Variants in ERC1 observed in about 807,000 individuals in gnomAD.
The protein encoded by ERC1 is RAB6 interacting protein 2.
ERC1 carries 56 observed loss-of-function variants against 132.0 expected under a neutral mutation model. That is an observed-to-expected ratio of 0.42 (90% confidence interval 0.34 to 0.53). The LOEUF (loss-of-function observed/expected upper bound fraction) is 0.53, where lower values mean the gene tolerates loss of function less well. Among genes scored for constraint, ERC1 ranks in the 20% least tolerant of loss-of-function variants. The probability of loss-of-function intolerance (pLI) is 0.03; values close to 1 mark genes in which losing one functional copy is unlikely to be tolerated. For missense variants in ERC1, 1,202 were observed against 1,349.9 expected, an observed-to-expected ratio of 0.89 and a Z score of 1.72; for synonymous variants, 478 against 476.1, an observed-to-expected ratio of 1.00 and a Z score of -0.05.
intron 4 of ERC1, among the ~76,000 whole-genome samples, chr12:1,109,387 G>A (rs1346611362): frequency 1.3e-5 from 2 of 152,144 alleles, no homozygotes; most frequent in South Asian, 2.1e-4. Flanking sequence ...GGGATGTTAT[G>A]TAATTTTTAT....
chr12:1,035,508 T>C (rs1016461760), intron 2 of ERC1, among the ~76,000 whole-genome samples: 1 of 152,224 alleles, frequency 6.6e-6, no homozygotes, highest in African/African-American at 2.4e-5. Context: ...TAGAATAGTA[T>C]GTAACAGGGA....
chr12:1,054,196 A>G (rs1246665133), intron 2 of ERC1, among the ~76,000 whole-genome samples: 1 of 152,224 alleles, frequency 6.6e-6, no homozygotes, highest in Non-Finnish European at 1.5e-5. Context: ...CAAAGTTTGT[A>G]CTATCACAAT....
chr12:1,333,017 TTCGTCCTGATCCTCGTCCTGATCC>T (rs144580264), intron 15 of ERC1, among the ~76,000 whole-genome samples: 4,818 of 101,470 alleles, frequency 0.047, 249 homozygotes, highest in African/African-American at 0.13. Context: ...TACTTTATAA[TTCGTCCTGATCCTCGTCCTGATCC>T]TCGTCCTGAT....
Position 1,340,397 on chromosome 12 carries a change from A to G in ERC1, c.2781-31436A>G, listed in dbSNP as rs548858629. ...CTCCACTACAGACTCTACCACACCA[A>G]ACCCTCTGGGTTCCACCTCAGCTGA... On this transcript the variant is annotated intron_variant, in intron 15 of 18. Coordinates refer to ENST00000360905, the MANE Select transcript of ERC1 (RefSeq NM_178040.4). Among the ~76,000 whole-genome samples, 9 of 152,192 alleles carry G rather than the reference A, an allele frequency of 5.9e-5. No individual in the cohort carries two copies. In the South Asian group the frequency reaches 1.9e-3, roughly 32 times the overall value.
At chr12:1,465,300 G>A (rs557402476) in intron 18 of ERC1, among the ~76,000 whole-genome samples, 47 of 152,274 alleles carry the variant, frequency 3.1e-4, no homozygotes, top group Non-Finnish European at 2.6e-4. Context: ...CTTCCGGTCC[G>A]GTCAGAGCAT....
At chr12:1,476,091 G>A (rs1363347362) in intron 18 of ERC1, among the ~76,000 whole-genome samples, 2 of 151,922 alleles carry the variant, frequency 1.3e-5, no homozygotes, top group Admixed American at 6.6e-5. Flanking sequence ...GTGAAACCCC[G>A]TCTCTACTAA....
intron 18 of ERC1, among the ~76,000 whole-genome samples, chr12:1,452,052 T>C (rs193101138): frequency 1.3e-5 from 2 of 152,358 alleles, no homozygotes; most frequent in Admixed American, 1.3e-4. Context: ...TGATGTTGGA[T>C]TTCTGGCTTC....
intron 7 of ERC1, among the ~76,000 whole-genome samples, chr12:1,138,189 A>G (rs189131444): frequency 1.8e-5 from 2 of 113,554 alleles, no homozygotes; most frequent in Admixed American, 9.9e-5. Flanking sequence ...TATATATCAT[A>G]TATAATTATA....
At chr12:1,240,816 C>T (rs1249910514) in intron 13 of ERC1, among the ~76,000 whole-genome samples, 1 of 151,942 alleles carries the variant, frequency 6.6e-6, no homozygotes, top group Non-Finnish European at 1.5e-5. Flanking sequence ...TTTAATTTTA[C>T]TTATTTGTAA....
At chr12:1,477,605 G>T (rs1000777876) in intron 18 of ERC1, among the ~76,000 whole-genome samples, 1 of 152,166 alleles carries the variant, frequency 6.6e-6, no homozygotes, top group Non-Finnish European at 1.5e-5. Context: ...ATCCTTGGGG[G>T]TCCTTGATGG....
At chr12:1,235,337 C>T (rs967123764) in intron 12 of ERC1, among the ~76,000 whole-genome samples, 9 of 151,956 alleles carry the variant, frequency 5.9e-5, no homozygotes, top group Admixed American at 5.9e-4. Context: ...CTAGCCTTGG[C>T]GACTGAGTGA....
At chr12:1,401,237 T>C (rs1252429082) in intron 16 of ERC1, among the ~76,000 whole-genome samples, 11 of 152,098 alleles carry the variant, frequency 7.2e-5, no homozygotes, top group Non-Finnish European at 1.2e-4. Flanking sequence ...CCCAGCCCTA[T>C]TTTTGTATTT....
intron 2 of ERC1, among the ~76,000 whole-genome samples, chr12:1,063,040 T>C (rs1387524606): frequency 1.3e-5 from 2 of 152,264 alleles, no homozygotes; most frequent in East Asian, 3.9e-4. Flanking sequence ...TTTCCATTTA[T>C]GTGGAGTATC....
intron 7 of ERC1, among the ~76,000 whole-genome samples, chr12:1,140,129 A>G (rs1050620801): frequency 2.6e-5 from 4 of 152,150 alleles, no homozygotes; most frequent in Non-Finnish European, 4.4e-5. Context: ...AGTTTAGCAG[A>G]GTGAACTATG....
At chr12:1,176,786 C>G (rs1232138974) in intron 8 of ERC1, among the ~76,000 whole-genome samples, 4 of 152,172 alleles carry the variant, frequency 2.6e-5, no homozygotes, top group Non-Finnish European at 4.4e-5. Context: ...CTTATCCTCT[C>G]TAGCTATGAA....
chr12:1,074,325 C>T (rs1218395240), intron 2 of ERC1, among the ~76,000 whole-genome samples: 5 of 151,582 alleles, frequency 3.3e-5, no homozygotes, highest in African/African-American at 7.3e-5. Context: ...CTTTTTTTTC[C>T]GAGACAGAGC....
intron 17 of ERC1, among the ~76,000 whole-genome samples, chr12:1,425,285 G>A (rs1206541711): frequency 6.6e-6 from 1 of 152,188 alleles, no homozygotes. Flanking sequence ...TAGTGTGATG[G>A]CATAGCCACA....
rs548595085 is a variant in ERC1 at position 1,196,797 on chromosome 12, G to T, written c.2351+6745G>T. 2.9e-4 allele frequency among the ~76,000 whole-genome samples: 28 copies of T among 95,600 alleles called. 1 individual carries two copies. In the East Asian group the frequency reaches 4.3e-3, roughly 15 times the overall value. 62.7% of individuals were successfully genotyped at this position (95,600 alleles called of 152,430 possible). On this transcript the variant is annotated intron_variant, in intron 12 of 18. Transcript: ENST00000360905. ...GAGCCACCACACCTGGTGCATGTGCGCACGCTATTTCTCTCTCTCTCTCTC... is the reference window on the plus strand; with the variant it reads ...GAGCCACCACACCTGGTGCATGTGCTCACGCTATTTCTCTCTCTCTCTCTC...
At chr12:1,335,925 C>G (rs1172101701) in intron 15 of ERC1, among the ~76,000 whole-genome samples, 1 of 151,994 alleles carries the variant, frequency 6.6e-6, no homozygotes, top group Non-Finnish European at 1.5e-5. Flanking sequence ...CTATTTGTGG[C>G]TTCCTCAATT....
Sources: gnomAD v4.1 joint callset for allele counts (sites outside exome capture counted in the v4.1 genomes callset) on GRCh38, gnomAD v4.1.1 for gene constraint, MANE v1.5 for transcripts, NCBI Gene and HGNC (gene_info 2026-07-23, HGNC 2026-07-21) for gene names.